TMEM44: variants seen among roughly 807,000 people sequenced by gnomAD.
TMEM44 encodes transmembrane protein 44.
A neutral mutation model predicts 47.8 loss-of-function variants in TMEM44; 43 were observed. The ratio of observed to expected loss-of-function variants is 0.90; its 90% confidence interval spans 0.70 to 1.16. The LOEUF is 1.16. Ranked by LOEUF, TMEM44 falls within the 50% of genes most tolerant of loss-of-function variation. The pLI is 0.00. For missense variants in TMEM44, 568 were observed against 555.2 expected, an observed-to-expected ratio of 1.02 and a Z score of -0.23; for synonymous variants, 277 against 238.8, an observed-to-expected ratio of 1.16 and a Z score of -1.48.
At chr3:194,599,058 G>A (rs9844306) in intron 9 of TMEM44, among the ~76,000 whole-genome samples, 64,505 of 151,650 alleles carry the variant, frequency 0.43, 14,535 homozygotes, top group East Asian at 0.77. Context: ...ACCCTGGGTG[G>A]TCTGAGCCCA....
At chr3:194,616,039 C>T (rs1255875345) in intron 6 of TMEM44, among the ~76,000 whole-genome samples, 3 of 151,962 alleles carry the variant, frequency 2.0e-5, no homozygotes, top group Admixed American at 6.6e-5. Flanking sequence ...AATTCAGATC[C>T]ACCTCTGAAT....
intron 8 of TMEM44, among the ~76,000 whole-genome samples, 170 bp downstream of exon 8, chr3:194,610,746 C>T (rs1311929942): frequency 6.6e-6 from 1 of 152,208 alleles, no homozygotes; most frequent in African/African-American, 2.4e-5. Flanking sequence ...CTCTCCAACA[C>T]TCCCCCATAT....
At chr3:194,614,570 A>AT (rs1041503014) in intron 7 of TMEM44, among the ~76,000 whole-genome samples, 339 of 151,772 alleles carry the variant, frequency 2.2e-3, no homozygotes, top group African/African-American at 7.6e-3. Context: ...TACCCGGCCA[A>AT]TTTTTTTTGT....
At chr3:194,602,186 C>G (rs1362138031) in intron 9 of TMEM44, among the ~76,000 whole-genome samples, 1 of 152,258 alleles carries the variant, frequency 6.6e-6, no homozygotes, top group Admixed American at 6.5e-5. Flanking sequence ...GAGTCCCTAA[C>G]TCAAACCCAG....
At position 194,588,262 on chromosome 3, in the gene TMEM44, G is replaced by T; in HGVS notation, c.*267C>A. On this transcript the variant is annotated 3_prime_UTR_variant, in exon 10 of 10. Transcript: ENST00000347147. Reference sequence around the variant, plus strand: ...GGAAGAGCGGGTCTGAGATCCTTTGGATTATCTTTACGAAGCAAAAGCTTC... The same window carrying T: ...GGAAGAGCGGGTCTGAGATCCTTTGTATTATCTTTACGAAGCAAAAGCTTC... 2.3e-6 allele frequency: 1 copy of T among 440,030 alleles called. No individual in the cohort carries two copies. Among genetic ancestry groups the T allele is most frequent in the Non-Finnish European group, 4.1e-6 (1 of 246,108 alleles). The allele number at this position is 440,030 out of a possible 1,614,324, so 27.3% of individuals were successfully genotyped here.
In TMEM44 at chr3:194,623,564, C is replaced by T. The variant is rs1300333302; in HGVS notation, c.490G>A (p.Gly164Arg). Residue 164 changes from glycine (G) to arginine (R), a missense_variant, in exon 4 of 10, where the codon GGG becomes AGG. Physicochemically the swap from Gly to Arg is moderately radical, Grantham distance 125. Transcript: ENST00000347147. ...CTCGCTAGCAGCCTCCGCTGTGGCC[C>T]CCGGATGGTGGCTGAAGCCTTCGGG... ...AVPKASATIR[G>R]PQRRLLASLL... The T allele has an allele frequency of 6.2e-7, 1 of 1,608,510 alleles. No individual in the cohort carries two copies. The highest frequency in any genetic ancestry group is 8.5e-7 in the Non-Finnish European group (1 of 1,178,236).
intron 9 of TMEM44, chr3:194,593,008 C>G (rs751085763): frequency 6.2e-7 from 1 of 1,613,144 alleles, no homozygotes; most frequent in African/African-American, 1.3e-5. Context: ...TAGGAAGTCC[C>G]TCCTGGAAGA....
At chr3:194,590,273 GTACTA>G (rs1428118284) in intron 9 of TMEM44, 1 of 152,224 alleles carries the variant, frequency 6.6e-6, no homozygotes, top group Non-Finnish European at 1.5e-5. Flanking sequence ...ACTGAATCGA[GTACTA>G]ATACTTGGCG....
chr3:194,595,751 G>A (rs1189338172), intron 9 of TMEM44, among the ~76,000 whole-genome samples: 1 of 151,786 alleles, frequency 6.6e-6, no homozygotes, highest in African/African-American at 2.4e-5. Flanking sequence ...TCAGCCTCCT[G>A]AGTAGCTGGG....
intron 8 of TMEM44, among the ~76,000 whole-genome samples, chr3:194,605,467 G>T (rs571551731): frequency 6.6e-6 from 1 of 152,202 alleles, no homozygotes; most frequent in Admixed American, 6.5e-5. Context: ...CACATGGCTG[G>T]GGAGGCCTCA....
At chr3:194,616,173 T>A (rs1490850813) in intron 6 of TMEM44, among the ~76,000 whole-genome samples, 3 of 152,060 alleles carry the variant, frequency 2.0e-5, no homozygotes, top group Admixed American at 2.0e-4. Flanking sequence ...CGCCTCAGCC[T>A]CCCAAGTAGC....
chr3:194,616,133 C>T (rs1715862384), intron 6 of TMEM44, among the ~76,000 whole-genome samples: 1 of 151,988 alleles, frequency 6.6e-6, no homozygotes, highest in Non-Finnish European at 1.5e-5. Context: ...CTCACTGCAA[C>T]CCCTGCCTCC....
chr3:194,625,388 C>A (rs1056131617), intron 3 of TMEM44, among the ~76,000 whole-genome samples: 1 of 151,894 alleles, frequency 6.6e-6, no homozygotes, highest in African/African-American at 2.4e-5. Context: ...TGTGCACACA[C>A]CTCCAAGCTG....
At chr3:194,604,867 C>T (rs190162524) in intron 8 of TMEM44, among the ~76,000 whole-genome samples, 66 of 152,334 alleles carry the variant, frequency 4.3e-4, no homozygotes, top group African/African-American at 1.4e-3. Flanking sequence ...TTTCCAGTCT[C>T]TTGCTTTTGC....
Position 194,608,915 on chromosome 3 carries a change from C to T in TMEM44, c.1017+2001G>A, listed in dbSNP as rs183058907. ...TTTGTGAATGATCCCTCTGGCTGCT[C>T]GTTAGAGATGGGCAGGGCAGGACCA... On this transcript the variant is annotated intron_variant, in intron 8 of 9. Transcript: ENST00000347147. 6.6e-5 allele frequency among the ~76,000 whole-genome samples: 10 copies of T among 152,182 alleles called. No homozygotes were observed. The East Asian group carries it at 1.5e-3, about 24-fold the overall frequency.
In TMEM44 at chr3:194,611,953, C is replaced by G. The variant is rs745334514; in HGVS notation, c.913-933G>C. The stretch of plus-strand genomic sequence containing the variant: ...AGGAGAATCGCTTGAACCCAGGAGG[C>G]GGAGGTTGCAGCAAGCTGAGATCGT... On this transcript the variant is annotated intron_variant, in intron 7 of 9. Transcript: ENST00000347147. This position sits in a 1 kb window ranked among gnomAD's most constrained non-coding sequence, Gnocchi z 4.2. Among the ~76,000 whole-genome samples the G allele has an allele frequency of 6.6e-6, 1 of 151,916 alleles. No homozygotes were observed. Among genetic ancestry groups the G allele is most frequent in the African/African-American group, 2.4e-5 (1 of 41,338 alleles).
At chr3:194,623,175 C>T (rs1560193591) in intron 5 of TMEM44, 49 bp downstream of exon 5, 8 of 1,547,704 alleles carry the variant, frequency 5.2e-6, no homozygotes, top group Admixed American at 2.0e-5. Context: ...TCCCAGATGC[C>T]CTGAGACTGT....
intron 5 of TMEM44, 173 bp downstream of exon 5, chr3:194,623,051 A>C (rs563740363): frequency 3.7e-5 from 22 of 600,894 alleles, no homozygotes; most frequent in Admixed American, 8.1e-5. Context: ...CCCACTCTCC[A>C]CACACACCCC....
At chr3:194,633,054 G>GCCGCCCGACAGC (rs1341628653) in intron 1 of TMEM44, 25 bp downstream of exon 1, 2 of 1,545,284 alleles carry the variant, frequency 1.3e-6, no homozygotes, top group African/African-American at 1.4e-5. Context: ...CCGCCCGACA[G>GCCGCCCGACAGC]CCCCCCGACC....
Sources: allele counts gnomAD v4.1 joint callset (sites outside exome capture counted in the v4.1 genomes callset), GRCh38; gene constraint gnomAD v4.1.1; non-coding constraint Gnocchi (gnomAD v3.1); transcripts MANE v1.5; gene names NCBI Gene and HGNC (gene_info 2026-07-23, HGNC 2026-07-21).